The following PTPN20 variants were observed in gnomAD, a reference collection of about 807,000 sequenced individuals.
PTPN20 encodes tyrosine-protein phosphatase non-receptor type 20.
Under a neutral mutation model 35.0 loss-of-function variants are expected in PTPN20, and 9 were observed. That is an observed-to-expected ratio of 0.26 (90% CI 0.15 to 0.45). PTPN20 has a LOEUF of 0.45. Ranked by LOEUF, PTPN20 falls within the 20% of genes least tolerant of loss-of-function variation. The pLI is 1.00. For missense variants in PTPN20, 111 were observed against 312.5 expected (o/e 0.36, Z 4.86); for synonymous variants, 32 against 100.2 (o/e 0.32, Z 4.06).
At chr10:46,992,888 G>A (rs910894916) in intron 9 of PTPN20, among the ~76,000 whole-genome samples, 1 of 152,162 alleles carries the variant, frequency 6.6e-6, no homozygotes, top group Non-Finnish European at 1.5e-5. Context: ...ATTTCGATGA[G>A]GCTTTTTGTT....
rs1386447078 is a variant in PTPN20 at position 46,980,867 on chromosome 10, AG to A, written c.584-3362del. The stretch of plus-strand genomic sequence containing the variant: ...AGGTTCTGCGTGATATAAAGGTACC[AG>A]CCAGAAGAGGACAGCTATAGCACTA... On this transcript the variant is annotated intron_variant, in intron 7 of 10. Coordinates refer to ENST00000374339, the MANE Select transcript of PTPN20 (RefSeq NM_001042357.5). 3.3e-5 allele frequency among the ~76,000 whole-genome samples: 4 copies of A among 123,020 alleles called. No homozygotes were observed. The East Asian group carries it at 1.0e-3, about 31-fold the overall frequency. 80.7% of individuals were successfully genotyped at this position (123,020 alleles called of 152,430 possible).
downstream of PTPN20, among the ~76,000 whole-genome samples, chr10:47,003,143 A>T (rs2060133352): frequency 6.6e-6 from 1 of 152,062 alleles, no homozygotes; most frequent in South Asian, 2.1e-4. Context: ...ATTTGTCTAT[A>T]GCCTCAATCA....
At position 46,940,682 on chromosome 10, in the gene PTPN20, C is replaced by G. The variant is rs1318695049; in HGVS notation, c.94C>G (p.Pro32Ala). ...AEDLNFRETL[P>A]SSSQENTPRS... The stretch of plus-strand genomic sequence containing the variant: ...AGACTTGAATTTCAGGGAGACTTTG[C>G]CTTCATCAAGTCAGGAAAACACACC... Residue 32 changes from proline to alanine, a missense_variant, in exon 3 of 11, where the codon CCT becomes GCT. By Grantham distance (27) the Pro-to-Ala change is conservative. Around this residue, in one of 5 missense-constraint regions of PTPN20, gnomAD observed 22 missense variants for 49.2 expected, o/e 0.45. Coordinates refer to ENST00000374339, the MANE Select transcript of PTPN20 (RefSeq NM_001042357.5). 8 of 1,611,024 alleles carry G rather than the reference C, an allele frequency of 5.0e-6. No individual in the cohort carries two copies. The Admixed American group carries it at 1.2e-4, about 24-fold the overall frequency.
Position 46,977,672 on chromosome 10 carries a change from GAAGGA to G in PTPN20, c.584-6552_584-6548del, listed in dbSNP as rs2054193685. On this transcript the variant is annotated intron_variant, in intron 7 of 10. Coordinates refer to ENST00000374339, the MANE Select transcript of PTPN20 (RefSeq NM_001042357.5). ...ATTGGCTAGTTACTCCTAATGTAGA[GAAGGA>G]AAGGATGATCTTAGGGATTAAATTT... Among the ~76,000 whole-genome samples the G allele has an allele frequency of 2.3e-5, 3 of 128,206 alleles. No homozygotes were observed. The South Asian group carries it at 8.7e-4, about 37-fold the overall frequency. The allele number at this position is 128,206 out of a possible 152,430, so 84.1% of individuals were successfully genotyped here. A position where few individuals can be genotyped will look rare whatever the true frequency, so the allele number is the denominator to read the frequency against.
intron 9 of PTPN20, among the ~76,000 whole-genome samples, chr10:46,998,567 T>C (rs1360075320): frequency 1.3e-5 from 2 of 152,198 alleles, no homozygotes; most frequent in African/African-American, 4.8e-5. Context: ...ACTGTGGTTA[T>C]AGTTACATGA....
chr10:46,954,062 A>G (rs1203559538), intron 5 of PTPN20, among the ~76,000 whole-genome samples: 1 of 106,418 alleles, frequency 9.4e-6, no homozygotes, highest in Non-Finnish European at 1.8e-5. Flanking sequence ...AGGTTTCTAA[A>G]TACATATTTG....
intron 9 of PTPN20, among the ~76,000 whole-genome samples, chr10:46,995,882 A>C (rs1168764306): frequency 9.3e-5 from 14 of 151,290 alleles, no homozygotes; most frequent in African/African-American, 2.7e-4. Context: ...GCCTACTTAG[A>C]GTTTTTTTCC....
intron 9 of PTPN20, among the ~76,000 whole-genome samples, chr10:46,992,447 G>C (rs1465857821): frequency 6.6e-6 from 1 of 151,914 alleles, no homozygotes; most frequent in Non-Finnish European, 1.5e-5. Flanking sequence ...CTTTATTTTT[G>C]TCTGACTGAA....
At chr10:46,929,799 T>C (rs2038978532) in intron 1 of PTPN20, among the ~76,000 whole-genome samples, 1 of 147,436 alleles carries the variant, frequency 6.8e-6, no homozygotes, top group Non-Finnish European at 1.5e-5. Flanking sequence ...AAGCTTGCAC[T>C]ATATTTTCTG....
intron 7 of PTPN20, among the ~76,000 whole-genome samples, chr10:46,972,236 A>C (rs2052398982): frequency 6.6e-6 from 1 of 151,342 alleles, no homozygotes. Flanking sequence ...ACTACAAATC[A>C]AGAAGAGGAC....
intron 1 of PTPN20, among the ~76,000 whole-genome samples, chr10:46,929,880 T>G (rs1176011259): frequency 6.9e-6 from 1 of 145,328 alleles, no homozygotes; most frequent in Admixed American, 6.7e-5. Flanking sequence ...ACCTAAAATT[T>G]CAGTACACAT....
intron 9 of PTPN20, among the ~76,000 whole-genome samples, chr10:46,994,138 G>GC (rs1181410589): frequency 1.3e-5 from 2 of 151,422 alleles, no homozygotes; most frequent in South Asian, 4.2e-4. Context: ...CTTCCTCCTG[G>GC]CCTATATGAT....
intron 5 of PTPN20, among the ~76,000 whole-genome samples, chr10:46,959,844 T>C (rs1392482279): frequency 3.5e-5 from 4 of 113,166 alleles, no homozygotes; most frequent in African/African-American, 1.4e-4. Flanking sequence ...TTATATATTA[T>C]GTGTTCCAAA....
intron 9 of PTPN20, among the ~76,000 whole-genome samples, chr10:46,997,668 A>G (rs1460314257): frequency 5.9e-5 from 9 of 151,956 alleles, no homozygotes; most frequent in Non-Finnish European, 1.0e-4. Flanking sequence ...CACATATCCA[A>G]CAAAGGCCTT....
At chr10:46,945,222 A>G (rs1291386257) in intron 4 of PTPN20, among the ~76,000 whole-genome samples, 2 of 151,448 alleles carry the variant, frequency 1.3e-5, no homozygotes, top group Non-Finnish European at 2.9e-5. Flanking sequence ...CTGAGTATAC[A>G]TTTTATTCAG....
intron 5 of PTPN20, among the ~76,000 whole-genome samples, chr10:46,953,395 C>CTTT (rs200486720): frequency 1.0e-5 from 1 of 100,146 alleles, no homozygotes; most frequent in Non-Finnish European, 2.0e-5. Context: ...TTCTTTCTTT[C>CTTT]TTTTTTTTTG....
Position 47,000,075 on chromosome 10 carries a change from A to G in PTPN20, c.1197+101A>G, listed in dbSNP as rs2059841699. The G allele has an allele frequency of 2.7e-6, 4 of 1,490,870 alleles. No individual in the cohort carries two copies. In the Admixed American group the frequency reaches 6.8e-5, roughly 25 times the overall value. 92.4% of individuals were successfully genotyped at this position (1,490,870 alleles called of 1,614,324 possible). The stretch of plus-strand genomic sequence containing the variant: ...AAAGCTCTTTTATTGACATAATCTC[A>G]TTGAATTCCTACTGTTTGAGGTAGA... On this transcript the variant is annotated intron_variant, in intron 10 of 10. Coordinates refer to ENST00000374339, the MANE Select transcript of PTPN20 (RefSeq NM_001042357.5).
intron 2 of PTPN20, among the ~76,000 whole-genome samples, chr10:46,938,193 C>T (rs2042369913): frequency 6.8e-6 from 1 of 148,030 alleles, no homozygotes; most frequent in South Asian, 2.2e-4. Context: ...TCGTGATCCA[C>T]CCTCTTCAGC....
chr10:47,003,077 G>A (rs1329816387), downstream of PTPN20, among the ~76,000 whole-genome samples: 1 of 151,928 alleles, frequency 6.6e-6, no homozygotes, highest in Non-Finnish European at 1.5e-5. Flanking sequence ...TCTCTATTAA[G>A]TAAAAAGAAG....
Sources: gnomAD v4.1 joint callset for allele counts (sites outside exome capture counted in the v4.1 genomes callset) on GRCh38, gnomAD v4.1.1 for gene constraint, gnomAD v4.1.1 regional missense constraint, MANE v1.5 for transcripts, NCBI Gene and HGNC (gene_info 2026-07-23, HGNC 2026-07-21) for gene names.